The following ADARB2 variants were observed in gnomAD, a reference collection of about 807,000 sequenced individuals.
ADARB2 encodes adenosine deaminase RNA specific B2 (inactive).
In ADARB2, 25 loss-of-function variants were observed where a neutral mutation model predicts 62.2. The observed-to-expected ratio is 0.40, with a 90% CI of 0.29 to 0.56. The LOEUF (loss-of-function observed/expected upper bound fraction) is 0.56. Among genes scored for constraint, ADARB2 ranks in the 20% least tolerant of loss-of-function variants. ADARB2 has a pLI of 0.43. For synonymous variants in ADARB2, 572 were observed against 500.8 expected (o/e 1.14, Z -1.90); for missense variants, 1,071 against 1,077.4 (o/e 0.99, Z 0.08).
At chr10:1,615,854 G>A (rs1039347128) in intron 1 of ADARB2, among the ~76,000 whole-genome samples, 3 of 152,186 alleles carry the variant, frequency 2.0e-5, no homozygotes, top group Admixed American at 6.5e-5. Context: ...ACCCAGTGGG[G>A]CAGCAACACT....
Position 1,266,246 on chromosome 10 carries a change from C to T in ADARB2, c.1192+4709G>A, listed in dbSNP as rs570584469. Among the ~76,000 whole-genome samples the T allele has an allele frequency of 6.1e-4, 93 of 152,312 alleles. 2 individuals are homozygous for T. Among genetic ancestry groups the T allele is most frequent in the Admixed American group, 3.3e-3 (50 of 15,302 alleles). ...CAGTGGAAGAGAGAGCAGCTGTCTT[C>T]GAGGTCAGGCCTGGGAGGGCCCAGC... On this transcript the variant is annotated intron_variant, in intron 4 of 9. Coordinates refer to ENST00000381312, the MANE Select transcript of ADARB2 (RefSeq NM_018702.4).
At chr10:1,262,148 G>A (rs1489854295) in intron 4 of ADARB2, among the ~76,000 whole-genome samples, 4 of 109,790 alleles carry the variant, frequency 3.6e-5, no homozygotes, top group Non-Finnish European at 7.0e-5. Context: ...GTGGTGGGGT[G>A]GGGGGAGGGG....
chr10:1,600,532 C>T (rs967333774), intron 1 of ADARB2, among the ~76,000 whole-genome samples: 4 of 151,928 alleles, frequency 2.6e-5, no homozygotes, highest in African/African-American at 4.8e-5. Flanking sequence ...CGTGGTGGTG[C>T]GCCCCTGTAA....
Position 1,379,144 on chromosome 10 carries a change from C to A in ADARB2, c.117G>T (p.Leu39Phe). Residue 39 changes from leucine (L) to phenylalanine (F), a missense_variant, in exon 2 of 10, where the codon TTG becomes TTT. Leu to Phe is a conservative substitution (Grantham distance 22, BLOSUM62 0). Coordinates refer to ENST00000381312, the MANE Select transcript of ADARB2 (RefSeq NM_018702.4). ...RSKRKDKVSILSTFLAPFKHL... is the reference protein window; with the variant it reads ...RSKRKDKVSIFSTFLAPFKHL... ...GCTTGAAAGGAGCGAGGAAGGTTGA[C>A]AATATGCTTACTTTATCTGGAAAGA... is the stretch of plus-strand genomic sequence containing the variant. 1 of 1,613,038 alleles carries A rather than the reference C, an allele frequency of 6.2e-7. No individual in the cohort carries two copies. Among genetic ancestry groups the A allele is most frequent in the Non-Finnish European group, 8.5e-7 (1 of 1,179,174 alleles).
chr10:1,588,702 G>A (rs1183702146), intron 1 of ADARB2, among the ~76,000 whole-genome samples: 1 of 152,212 alleles, frequency 6.6e-6, no homozygotes, highest in Non-Finnish European at 1.5e-5. Flanking sequence ...CAGGAAGACA[G>A]CCCGACCCTG....
rs575544676 is a variant in ADARB2, at chr10:1,671,468, C to T, written c.100+65583G>A. 1.2e-4 allele frequency among the ~76,000 whole-genome samples: 19 copies of T among 152,294 alleles called. No individual in the cohort carries two copies. In the South Asian group the frequency reaches 2.3e-3, roughly 18 times the overall value. Reference sequence around the variant, plus strand: ...TCGGAAGGAGACAGCCATCACCACCCGTCACACCTGCTTTGCTGCTTCTGG... The same window carrying T: ...TCGGAAGGAGACAGCCATCACCACCTGTCACACCTGCTTTGCTGCTTCTGG... On this transcript the variant is annotated intron_variant, in intron 1 of 9. Coordinates refer to ENST00000381312, the MANE Select transcript of ADARB2 (RefSeq NM_018702.4).
chr10:1,332,266 C>A (rs191042985), intron 3 of ADARB2, among the ~76,000 whole-genome samples: 1 of 151,762 alleles, frequency 6.6e-6, no homozygotes, highest in Non-Finnish European at 1.5e-5. Flanking sequence ...TAGCCAGGTG[C>A]GGTGGTGGAC....
At chr10:1,324,392 C>A (rs1053147691) in intron 3 of ADARB2, among the ~76,000 whole-genome samples, 1 of 152,118 alleles carries the variant, frequency 6.6e-6, no homozygotes, top group Non-Finnish European at 1.5e-5. Context: ...GGGCATTTAC[C>A]CCAGAGGGCA....
intron 1 of ADARB2, among the ~76,000 whole-genome samples, chr10:1,391,308 G>A (rs1038181570): frequency 3.3e-5 from 5 of 152,200 alleles, no homozygotes; most frequent in African/African-American, 1.2e-4. Context: ...CTGGGGGAGG[G>A]ACCTGTGCAC....
intron 6 of ADARB2, among the ~76,000 whole-genome samples, chr10:1,232,423 ATG>A (rs1022479678): frequency 1.3e-4 from 19 of 145,858 alleles, no homozygotes; most frequent in African/African-American, 4.9e-4. Context: ...TGTGTGGTAT[ATG>A]TGGTGTGTGT....
chr10:1,214,679 T>G (rs1023169584), intron 7 of ADARB2, among the ~76,000 whole-genome samples: 4 of 152,194 alleles, frequency 2.6e-5, no homozygotes. Flanking sequence ...CACCAGAGAG[T>G]AAATTTAGAA....
rs569493155 is a variant in ADARB2, at chr10:1,605,357, C to T, written c.100+131694G>A. On this transcript the variant is annotated intron_variant, in intron 1 of 9. Transcript: ENST00000381312. ...CTCTTACTGTGACAATGTCACCTTC[C>T]CGTCTCTCAGAGGCATTGCCCAGGG... 5.9e-5 allele frequency among the ~76,000 whole-genome samples: 9 copies of T among 152,332 alleles called. No homozygotes were observed. The East Asian group carries it at 1.2e-3, about 20-fold the overall frequency.
intron 1 of ADARB2, among the ~76,000 whole-genome samples, chr10:1,542,204 A>G (rs186008720): frequency 0.46 from 5,229 of 11,296 alleles, 2,301 homozygotes; most frequent in East Asian, 0.93. Context: ...ACACTCAGAT[A>G]TAGTTCAGAC....
chr10:1,526,831 G>T, intron 1 of ADARB2: 1 of 519,054 alleles, frequency 1.9e-6, no homozygotes, highest in South Asian at 1.4e-5. Context: ...CTTGGTGCGT[G>T]GAGGGGTCGT....
chr10:1,351,724 T>C (rs987137406), intron 3 of ADARB2, among the ~76,000 whole-genome samples: 10 of 152,034 alleles, frequency 6.6e-5, no homozygotes, highest in African/African-American at 1.9e-4. Context: ...TGCCAATATC[T>C]CATCCCACAG....
chr10:1,711,395 A>G (rs1834947591), intron 1 of ADARB2, among the ~76,000 whole-genome samples: 1 of 152,114 alleles, frequency 6.6e-6, no homozygotes, highest in South Asian at 2.1e-4. Context: ...GGAAACTCCT[A>G]CCCCTGGCGG....
At chr10:1,269,695 C>T (rs1360563375) in intron 4 of ADARB2, among the ~76,000 whole-genome samples, 1 of 152,190 alleles carries the variant, frequency 6.6e-6, no homozygotes, top group Non-Finnish European at 1.5e-5. Flanking sequence ...CTCAGTGAGA[C>T]TGCTGTACCC....
chr10:1,593,379 T>TC (rs1348724513), intron 1 of ADARB2, among the ~76,000 whole-genome samples: 2 of 152,218 alleles, frequency 1.3e-5, no homozygotes, highest in African/African-American at 2.4e-5. Flanking sequence ...GTCCCCTCTG[T>TC]CACCCAGCTC....
intron 7 of ADARB2, among the ~76,000 whole-genome samples, chr10:1,214,098 C>T (rs1419366330): frequency 1.8e-5 from 2 of 109,016 alleles, no homozygotes; most frequent in Non-Finnish European, 1.9e-5. Flanking sequence ...TGTCCAGCAT[C>T]GTGTAGGTTT....
Sources: gnomAD v4.1 joint callset for allele counts (sites outside exome capture counted in the v4.1 genomes callset) on GRCh38, gnomAD v4.1.1 for gene constraint, MANE v1.5 for transcripts, NCBI Gene and HGNC (gene_info 2026-07-23, HGNC 2026-07-21) for gene names.